NDST4: variants seen among roughly 807,000 people sequenced by gnomAD.
The protein encoded by NDST4 is N-deacetylase and N-sulfotransferase 4.
NDST4 carries 63 observed loss-of-function variants against 100.8 expected under a neutral mutation model. The ratio of observed to expected loss-of-function variants is 0.62; its 90% CI spans 0.51 to 0.77. The LOEUF is 0.77. Among genes scored for constraint, NDST4 ranks in the 30% least tolerant of loss-of-function variants. The pLI is 0.00. For synonymous variants in NDST4, 377 were observed against 361.8 expected, an observed-to-expected ratio of 1.04 and a Z score of -0.48; for missense variants, 943 against 1,018.4, an observed-to-expected ratio of 0.93 and a Z score of 1.01.
intron 7 of NDST4, among the ~76,000 whole-genome samples, chr4:114,861,329 T>C (rs1443572497): frequency 1.3e-5 from 2 of 152,228 alleles, no homozygotes; most frequent in Non-Finnish European, 2.9e-5. Context: ...TAGTGGTTGG[T>C]AATATTTATC....
At chr4:114,895,188 C>T (rs1039833007) in intron 6 of NDST4, among the ~76,000 whole-genome samples, 1 of 151,720 alleles carries the variant, frequency 6.6e-6, no homozygotes, top group Non-Finnish European at 1.5e-5. Flanking sequence ...AGAAAATCAA[C>T]GAATCCAGGA....
intron 6 of NDST4, among the ~76,000 whole-genome samples, chr4:114,893,588 GT>G (rs527341778): frequency 3.0e-4 from 44 of 147,768 alleles, no homozygotes; most frequent in Admixed American, 1.4e-3. Flanking sequence ...TTTCTGATGT[GT>G]TTTTTTTTTC....
At chr4:115,057,807 G>A (rs139452096) in intron 2 of NDST4, among the ~76,000 whole-genome samples, 188 of 151,612 alleles carry the variant, frequency 1.2e-3, no homozygotes, top group African/African-American at 4.0e-3. Flanking sequence ...TCTCCATAAT[G>A]GATGAAATTA....
chr4:115,092,247 C>T (rs1241852486), intron 1 of NDST4, among the ~76,000 whole-genome samples: 1 of 152,090 alleles, frequency 6.6e-6, no homozygotes, highest in African/African-American at 2.4e-5. Flanking sequence ...TTTTTCTGCA[C>T]CCACTTATTC....
At chr4:114,960,103 G>T (rs778188864) in intron 4 of NDST4, among the ~76,000 whole-genome samples, 1 of 152,148 alleles carries the variant, frequency 6.6e-6, no homozygotes, top group Non-Finnish European at 1.5e-5. Context: ...GAAACTGTGG[G>T]ATCCAGAAGG....
intron 7 of NDST4, among the ~76,000 whole-genome samples, chr4:114,856,065 TC>T (rs1437209419): frequency 2.6e-5 from 4 of 151,550 alleles, no homozygotes; most frequent in African/African-American, 2.4e-5. Flanking sequence ...TTCCTTTCTT[TC>T]TTTCTTTTTT....
At chr4:114,970,637 A>C (rs1726492442) in intron 3 of NDST4, 53 bp from the exon 4 acceptor site, 8 of 1,486,502 alleles carry the variant, frequency 5.4e-6, no homozygotes, top group South Asian at 3.8e-5. Context: ...TACTATCTTA[A>C]AGGTTATTTT....
Position 115,076,982 on chromosome 4 carries a change from C to G in NDST4, c.55G>C (p.Ala19Pro), listed in dbSNP as rs1477597969. 6.2e-7 allele frequency: 1 copy of G among 1,612,134 alleles called. No individual in the cohort carries two copies. The highest frequency in any genetic ancestry group is 8.5e-7 in the Non-Finnish European group (1 of 1,179,326). Residue 19 changes from alanine to proline, a missense_variant, in exon 2 of 14, where the codon GCT becomes CCT. Physicochemically the swap from Ala to Pro is conservative, Grantham distance 27. Coordinates refer to ENST00000264363, the MANE Select transcript of NDST4 (RefSeq NM_022569.3). Reference sequence around the variant, plus strand: ...ACAATGCTCACCAAGCAAAAGGTAGCTAAGAGAACAATCAATGTTCGAAAA... The same window carrying G: ...ACAATGCTCACCAAGCAAAAGGTAGGTAAGAGAACAATCAATGTTCGAAAA... ...RSFRTLIVLL[A>P]TFCLVSIVIS...
intron 6 of NDST4, among the ~76,000 whole-genome samples, chr4:114,933,803 A>AATATCACC (rs1339468928): frequency 1.3e-5 from 2 of 152,152 alleles, no homozygotes; most frequent in Non-Finnish European, 2.9e-5. Flanking sequence ...ACCATAATGA[A>AATATCACC]ATATCACCTC....
chr4:115,041,597 T>C (rs938880821), intron 2 of NDST4, among the ~76,000 whole-genome samples: 1 of 152,146 alleles, frequency 6.6e-6, no homozygotes, highest in African/African-American at 2.4e-5. Context: ...GGCTGAAATA[T>C]GAATGTAAAG....
chr4:114,949,481 T>G (rs1725941628), intron 4 of NDST4, among the ~76,000 whole-genome samples: 1 of 151,992 alleles, frequency 6.6e-6, no homozygotes, highest in Non-Finnish European at 1.5e-5. Flanking sequence ...GGGGAACCTG[T>G]AGAGTAGTGG....
chr4:114,833,772 G>A, intron 11 of NDST4, 57 bp from the exon 12 acceptor site: 1 of 1,081,536 alleles, frequency 9.2e-7, no homozygotes, highest in Non-Finnish European at 1.4e-6. Flanking sequence ...AATAGACTGT[G>A]ATGCCTTCCT....
intron 2 of NDST4, among the ~76,000 whole-genome samples, chr4:114,999,899 G>A (rs2583516): frequency 0.34 from 52,055 of 151,666 alleles, 9,056 homozygotes; most frequent in Middle Eastern, 0.49. Context: ...GAGGTGATCA[G>A]TGAAGGACCT....
intron 6 of NDST4, among the ~76,000 whole-genome samples, chr4:114,925,959 G>T (rs1725378094): frequency 6.6e-6 from 1 of 152,198 alleles, no homozygotes; most frequent in East Asian, 1.9e-4. Flanking sequence ...TAAGACTCCA[G>T]ACTGTTTTGA....
At chr4:114,853,655 T>C (rs1008326302) in intron 7 of NDST4, among the ~76,000 whole-genome samples, 5 of 152,174 alleles carry the variant, frequency 3.3e-5, no homozygotes, top group Non-Finnish European at 7.3e-5. Flanking sequence ...TTCAAGATGA[T>C]TGTCACAAGT....
Position 115,076,759 on chromosome 4 carries a change from T to A in NDST4, c.278A>T (p.Gln93Leu). 6.2e-7 allele frequency: 1 copy of A among 1,614,026 alleles called. No individual in the cohort carries two copies. Among genetic ancestry groups the A allele is most frequent in the Non-Finnish European group, 8.5e-7 (1 of 1,179,954 alleles). The change falls in exon 2 of 14, where the codon CAA (glutamine) becomes CTA (leucine). Residue 93 changes from glutamine (Q) to leucine (L), a missense_variant. Physicochemically the swap from Gln to Leu is moderately radical, Grantham distance 113. This residue lies in a region of NDST4 where 417 missense variants were observed against 384.2 expected (regional missense o/e 1.09). Coordinates refer to ENST00000264363, the MANE Select transcript of NDST4 (RefSeq NM_022569.3). ...GGACTCCAAAATAGCTATGATATCT[T>A]GACCGAGTTGAGAGTATTGGCTCTC... ...FVESQYSQLGQDIIAILESSR... is the reference protein window; with the variant it reads ...FVESQYSQLGLDIIAILESSR...
At chr4:114,943,090 A>G (rs1000026403) in intron 4 of NDST4, among the ~76,000 whole-genome samples, 1 of 147,430 alleles carries the variant, frequency 6.8e-6, no homozygotes, top group Non-Finnish European at 1.5e-5. Context: ...TATAATTTAA[A>G]TTATATTATA....
chr4:114,937,296 A>G, intron 5 of NDST4, 22 bp downstream of exon 5: 1 of 1,612,768 alleles, frequency 6.2e-7, no homozygotes, highest in South Asian at 1.1e-5. Flanking sequence ...ATCCTTCAAT[A>G]TACATGGCTC....
chr4:114,993,405 T>C (rs1727083064), intron 2 of NDST4, among the ~76,000 whole-genome samples: 1 of 151,956 alleles, frequency 6.6e-6, no homozygotes, highest in Non-Finnish European at 1.5e-5. Context: ...TTATTGTTTC[T>C]GTTTTAAGTA....
Sources: gnomAD v4.1 joint callset for allele counts (sites outside exome capture counted in the v4.1 genomes callset) on GRCh38, gnomAD v4.1.1 for gene constraint, gnomAD v4.1.1 regional missense constraint, MANE v1.5 for transcripts, NCBI Gene and HGNC (gene_info 2026-07-23, HGNC 2026-07-21) for gene names.